Variants in VWDE observed in about 807,000 individuals in gnomAD.
The protein encoded by VWDE is von Willebrand factor D and EGF domain-containing protein.
Under a neutral mutation model 178.4 loss-of-function variants are expected in VWDE, and 207 were observed. The observed-to-expected ratio is 1.16, with a 90% CI of 1.04 to 1.30. The LOEUF is 1.30. Ranked by LOEUF, VWDE falls within the 50% of genes most tolerant of loss-of-function variation. The pLI, the probability that VWDE is intolerant of heterozygous loss-of-function variation, is 0.00. For missense variants in VWDE, 2,287 were observed against 1,901.3 expected (o/e 1.20, Z -3.77); for synonymous variants, 738 against 651.4 (o/e 1.13, Z -2.02).
Position 12,340,317 on chromosome 7 carries a change from A to G in VWDE, c.4366+5T>C, listed in dbSNP as rs558604382. On this transcript the variant is annotated splice_donor_5th_base_variant and intron_variant, in intron 24 of 28. Transcript: ENST00000275358. ...CCTTTTTACATACAAAGAAAGAATA[A>G]TTACCATTCTGACAGTGTTCCCCAA... 6.4e-5 allele frequency: 99 copies of G among 1,547,158 alleles called. No individual in the cohort carries two copies. Among genetic ancestry groups the G allele is most frequent in the Non-Finnish European group, 6.8e-5 (78 of 1,143,770 alleles).
intron 23 of VWDE, among the ~76,000 whole-genome samples, chr7:12,341,409 G>A (rs1342903889): frequency 3.3e-5 from 5 of 152,198 alleles, no homozygotes; most frequent in Middle Eastern, 3.4e-3. Flanking sequence ...TGAGGCAGGC[G>A]GATCACGAGG....
rs374822025 is a variant in VWDE at position 12,336,150 on chromosome 7, A to G, written c.4645T>C (p.Cys1549Arg). 170 of 1,550,696 alleles carry G rather than the reference A, an allele frequency of 1.1e-4. No homozygotes were observed. The African/African-American group carries it at 2.2e-3, about 20-fold the overall frequency. Reference protein sequence around the residue: ...HCPSSWEGVRCQIPICNPKCL... With the variant: ...HCPSSWEGVRRQIPICNPKCL... Reference sequence around the variant, plus strand: ...CATCCTGTGGGCTTACGTATTTGACACCGCACTCCTTCCCAGGAGGAAGGA... The same window carrying G: ...CATCCTGTGGGCTTACGTATTTGACGCCGCACTCCTTCCCAGGAGGAAGGA... The change falls in exon 27 of 29, where the codon TGT (cysteine) becomes CGT (arginine). Residue 1549 changes from cysteine (C) to arginine (R), a missense_variant. Coordinates refer to ENST00000275358, the MANE Select transcript of VWDE (RefSeq NM_001135924.3).
Position 12,369,843 on chromosome 7 carries a change from C to G in VWDE, c.2463G>C (p.Arg821Ser). 6.4e-7 allele frequency: 1 copy of G among 1,551,510 alleles called. No individual in the cohort carries two copies. Among genetic ancestry groups the G allele is most frequent in the Non-Finnish European group, 8.7e-7 (1 of 1,146,878 alleles). The change falls in exon 12 of 29, where the codon AGG (arginine) becomes AGC (serine). Residue 821 changes from arginine (R) to serine (S), a missense_variant. By Grantham distance (110) the Arg-to-Ser change is moderately radical (BLOSUM62 -1). Coordinates refer to ENST00000275358, the MANE Select transcript of VWDE (RefSeq NM_001135924.3). ...TCTTGCCAAGAAAAGCAAGACACAG[C>G]CTTCCTATGCTGGAGTTGGCTAGAG... ...QETLANSSIG[R>S]LCLAFLGKRL...
chr7:12,399,928 A>T (rs942961832), intron 1 of VWDE, among the ~76,000 whole-genome samples: 14 of 152,204 alleles, frequency 9.2e-5, no homozygotes, highest in Non-Finnish European at 1.3e-4. Flanking sequence ...AATGAAATTT[A>T]AAAAACTTTA....
chr7:12,348,993 A>C (rs963881662), intron 19 of VWDE, among the ~76,000 whole-genome samples: 1 of 151,968 alleles, frequency 6.6e-6, no homozygotes, highest in Non-Finnish European at 1.5e-5. Context: ...ACCAAACACC[A>C]CATATTCTCA....
intron 24 of VWDE, 123 bp downstream of exon 24, chr7:12,340,199 T>A (rs951653687): frequency 1.4e-6 from 1 of 711,128 alleles, no homozygotes; most frequent in Non-Finnish European, 2.3e-6. Flanking sequence ...ACTTGAAACA[T>A]CGCAAGAATT....
chr7:12,392,550 C>T (rs1784433097), intron 2 of VWDE, among the ~76,000 whole-genome samples: 1 of 151,948 alleles, frequency 6.6e-6, no homozygotes, highest in Non-Finnish European at 1.5e-5. Context: ...GAAAATCATG[C>T]CAAGGATAAG....
rs1781011263 is a variant in VWDE at position 12,336,125 on chromosome 7, C to T, written c.4654+16G>A. The T allele has an allele frequency of 1.3e-6, 2 of 1,545,798 alleles. No homozygotes were observed. Among genetic ancestry groups the T allele is most frequent in the Non-Finnish European group, 1.7e-6 (2 of 1,143,506 alleles). On this transcript the variant is annotated intron_variant, in intron 27 of 28. Transcript: ENST00000275358. ...AATTCAGAACATATAGTAGGAAAAA[C>T]ATCCTGTGGGCTTACGTATTTGACA...
chr7:12,332,235 T>C (rs1022359925), intron 28 of VWDE, among the ~76,000 whole-genome samples: 13 of 151,900 alleles, frequency 8.6e-5, no homozygotes, highest in African/African-American at 2.9e-4. Context: ...CAGAATGAGA[T>C]TGAAGTTAGA....
In VWDE at chr7:12,377,759, T is replaced by A; in HGVS notation, c.1024+17A>T. 7.2e-7 allele frequency: 1 copy of A among 1,394,764 alleles called. No individual in the cohort carries two copies. Among genetic ancestry groups the A allele is most frequent in the Non-Finnish European group, 9.5e-7 (1 of 1,051,290 alleles). 86.4% of individuals were successfully genotyped at this position (1,394,764 alleles called of 1,614,324 possible). On this transcript the variant is annotated intron_variant, in intron 7 of 28. Coordinates refer to ENST00000275358, the MANE Select transcript of VWDE (RefSeq NM_001135924.3). ...TTTGCAATCTAATAATAAGATAAAA[T>A]AAAGTTAGTATATTACCTTGACCAA...
chr7:12,342,084 G>T lies in VWDE; in HGVS notation c.4245C>A (p.Gly1415=). The T allele has an allele frequency of 1.3e-6, 2 of 1,551,160 alleles. No homozygotes were observed. The highest frequency in any genetic ancestry group is 1.7e-6 in the Non-Finnish European group (2 of 1,146,834). Residue 1415 remains glycine, a synonymous_variant, in exon 23 of 29, where the codon GGC becomes GGA. Coordinates refer to ENST00000275358, the MANE Select transcript of VWDE (RefSeq NM_001135924.3). ...CTGTACTACAGGTGGGTCCATACCA[G>T]CCAGGTTTGCACTGGCAAATATCTG... ...LTPDICQCKP[G]WYGPTCSTAL... is the part of the protein sequence containing the mutation.
intron 1 of VWDE, 124 bp from the exon 2 acceptor site, chr7:12,393,902 A>G (rs1180204876): frequency 5.6e-6 from 4 of 720,588 alleles, no homozygotes; most frequent in Non-Finnish European, 8.4e-6. Context: ...GCACATAAAG[A>G]CCCTCTGAAA....
At chr7:12,349,100 T>C (rs936525121) in intron 19 of VWDE, among the ~76,000 whole-genome samples, 10 of 152,048 alleles carry the variant, frequency 6.6e-5, no homozygotes, top group African/African-American at 2.4e-4. Flanking sequence ...AGGGGAGGGA[T>C]AGCATTGGGA....
chr7:12,391,059 TATA>T (rs1042131213), intron 2 of VWDE, among the ~76,000 whole-genome samples: 46 of 152,296 alleles, frequency 3.0e-4, no homozygotes, highest in African/African-American at 8.2e-4. Context: ...AAAATGAATT[TATA>T]ATAATAGGAA....
intron 4 of VWDE, among the ~76,000 whole-genome samples, chr7:12,381,237 T>C (rs1041832378): frequency 6.6e-6 from 1 of 152,178 alleles, no homozygotes; most frequent in Non-Finnish European, 1.5e-5. Flanking sequence ...AAATATCTTA[T>C]TCCTTTCATT....
chr7:12,370,773 T>C lies in VWDE; in HGVS notation c.1679A>G (p.Asn560Ser). Reference sequence around the variant, plus strand: ...AAAGGTTCCACAAAGTCCCAGAGTGTTTCTGTAATCTACACTAGGGGCTCT... The same window carrying C: ...AAAGGTTCCACAAAGTCCCAGAGTGCTTCTGTAATCTACACTAGGGGCTCT... The part of the protein sequence containing the change: ...TIRAPSVDYR[N>S]TLGLCGTFDE... Residue 560 changes from asparagine (N) to serine (S), a missense_variant, in exon 11 of 29, where the codon AAC becomes AGC. Asn to Ser is a conservative substitution (Grantham distance 46, BLOSUM62 1). Coordinates refer to ENST00000275358, the MANE Select transcript of VWDE (RefSeq NM_001135924.3). 6.5e-7 allele frequency: 1 copy of C among 1,549,730 alleles called. No homozygotes were observed. The highest frequency in any genetic ancestry group is 1.2e-5 in the South Asian group (1 of 83,766).
chr7:12,343,322 G>A, intron 21 of VWDE, 144 bp from the exon 22 acceptor site: 1 of 529,546 alleles, frequency 1.9e-6, no homozygotes, highest in Non-Finnish European at 3.3e-6. Context: ...ACTTAGTTCT[G>A]TGGGACTGAC....
intron 1 of VWDE, among the ~76,000 whole-genome samples, chr7:12,398,560 G>A (rs572426151): frequency 6.6e-6 from 1 of 152,208 alleles, no homozygotes; most frequent in South Asian, 2.1e-4. Flanking sequence ...AGATGGATTT[G>A]AGACTGATCT....
chr7:12,331,933 T>C (rs563701324), intron 28 of VWDE, among the ~76,000 whole-genome samples: 7 of 152,264 alleles, frequency 4.6e-5, no homozygotes, highest in African/African-American at 1.2e-4. Context: ...TTCTTTTTCA[T>C]TGAAATTCTA....
Sources: allele counts gnomAD v4.1 joint callset (sites outside exome capture counted in the v4.1 genomes callset), GRCh38; gene constraint gnomAD v4.1.1; transcripts MANE v1.5; gene names NCBI Gene and HGNC (gene_info 2026-07-23, HGNC 2026-07-21).